RBPMS: variants seen among roughly 807,000 people sequenced by gnomAD.
The protein encoded by RBPMS is RNA-binding protein with multiple splicing.
A neutral mutation model predicts 26.8 loss-of-function variants in RBPMS; 7 were observed. That is an observed-to-expected ratio of 0.26 (90% CI 0.15 to 0.49). The LOEUF is 0.49. RBPMS is among the 20% of genes least tolerant of loss of function. RBPMS has a pLI of 0.98. For missense variants in RBPMS, 186 were observed against 250.0 expected, an observed-to-expected ratio of 0.74 and a Z score of 1.73; for synonymous variants, 96 against 93.3, an observed-to-expected ratio of 1.03 and a Z score of -0.17.
intron 6 of RBPMS, among the ~76,000 whole-genome samples, chr8:30,549,797 C>CCCCTCTCT (rs1826183065): frequency 3.4e-5 from 1 of 29,546 alleles, no homozygotes; most frequent in Non-Finnish European, 6.5e-5. Context: ...TCTCTCTCTC[C>CCCCTCTCT]CCTCTCTCCT....
chr8:30,427,503 C>T (rs1329688930), intron 1 of RBPMS, among the ~76,000 whole-genome samples: 2 of 152,232 alleles, frequency 1.3e-5, no homozygotes, highest in African/African-American at 4.8e-5. Flanking sequence ...TACAGGAATG[C>T]CTGCTCGTCT....
intron 1 of RBPMS, among the ~76,000 whole-genome samples, chr8:30,415,467 G>C (rs1019855196): frequency 5.3e-5 from 8 of 152,160 alleles, no homozygotes; most frequent in African/African-American, 9.7e-5. Flanking sequence ...CTTGCCAGAT[G>C]GTCTCATCTG....
chr8:30,496,274 T>C (rs993084695), intron 4 of RBPMS, among the ~76,000 whole-genome samples: 5 of 151,952 alleles, frequency 3.3e-5, no homozygotes, highest in Non-Finnish European at 7.4e-5. Flanking sequence ...TTTCACGCCA[T>C]TCTCCTGCCT....
Position 30,510,115 on chromosome 8 carries a change from C to G in RBPMS, c.397+5679C>G, listed in dbSNP as rs564011471. 4.5e-4 allele frequency among the ~76,000 whole-genome samples: 69 copies of G among 152,282 alleles called. No homozygotes were observed. The South Asian group carries it at 0.014, about 30-fold the overall frequency. On this transcript the variant is annotated intron_variant, in intron 5 of 8. Coordinates refer to ENST00000397323, the MANE Select transcript of RBPMS (RefSeq NM_001008710.3). The stretch of plus-strand genomic sequence containing the variant: ...TAATACCTGGGCTCTCACAAAACAT[C>G]ACCTCAGTCTCTGCTGCTGTTGCTG...
intron 1 of RBPMS, chr8:30,447,092 T>A (rs1029553220): frequency 6.6e-6 from 1 of 152,154 alleles, no homozygotes; most frequent in Non-Finnish European, 1.5e-5. Flanking sequence ...ACCTGGAAGT[T>A]GCAGGCATCA....
intron 1 of RBPMS, among the ~76,000 whole-genome samples, chr8:30,441,712 CA>C (rs1293606878): frequency 1.3e-5 from 2 of 151,976 alleles, no homozygotes; most frequent in Non-Finnish European, 2.9e-5. Context: ...ATAAACCCTC[CA>C]AAAAATTAAA....
At chr8:30,549,772 T>TTCTCTCTCTCTCTCTCTCTCTCTCTCTC (rs1181705539) in intron 6 of RBPMS, among the ~76,000 whole-genome samples, 5 of 71,224 alleles carry the variant, frequency 7.0e-5, no homozygotes, top group African/African-American at 3.0e-4. Flanking sequence ...TTTTCTTTTC[T>TTCTCTCTCTCTCTCTCTCTCTCTCTCTC]TCTCTCTCTC....
At chr8:30,556,015 G>T (rs1398812113) in intron 6 of RBPMS, 4 of 985,448 alleles carry the variant, frequency 4.1e-6, no homozygotes, top group Non-Finnish European at 3.6e-6. Context: ...GGCCAGGGGG[G>T]CACTGCCCTC....
intron 1 of RBPMS, among the ~76,000 whole-genome samples, chr8:30,411,251 G>A (rs971702364): frequency 6.6e-6 from 1 of 152,134 alleles, no homozygotes; most frequent in Non-Finnish European, 1.5e-5. Flanking sequence ...CCTGTGTTTT[G>A]CTCCTCCTGG....
intron 5 of RBPMS, among the ~76,000 whole-genome samples, chr8:30,512,165 G>C (rs1427272521): frequency 1.3e-5 from 2 of 152,100 alleles, no homozygotes; most frequent in Non-Finnish European, 2.9e-5. Context: ...TCAGCCTCCA[G>C]AGTAGCTGGG....
At chr8:30,507,351 G>C (rs889123818) in intron 5 of RBPMS, among the ~76,000 whole-genome samples, 2 of 152,160 alleles carry the variant, frequency 1.3e-5, no homozygotes, top group Non-Finnish European at 2.9e-5. Context: ...TCCCAGGATT[G>C]GGCTGAGGAT....
intron 4 of RBPMS, among the ~76,000 whole-genome samples, chr8:30,499,823 A>G (rs1318391700): frequency 6.6e-6 from 1 of 152,118 alleles, no homozygotes; most frequent in Admixed American, 6.5e-5. Flanking sequence ...AGTAAAGGGT[A>G]AAAGAATAGC....
At position 30,536,431 on chromosome 8, in the gene RBPMS, C is replaced by T. The variant is rs73572136; in HGVS notation, c.398-8063C>T. Reference sequence around the variant, plus strand: ...CGTGAGCCACCGCGCCTGGCGAGATCATCTCTTTTTATGGACTAGATAGAG... The same window carrying T: ...CGTGAGCCACCGCGCCTGGCGAGATTATCTCTTTTTATGGACTAGATAGAG... On this transcript the variant is annotated intron_variant, in intron 5 of 8. Coordinates refer to ENST00000397323, the MANE Select transcript of RBPMS (RefSeq NM_001008710.3). Among the ~76,000 whole-genome samples, 598 of 152,210 alleles carry T rather than the reference C, an allele frequency of 3.9e-3. 3 individuals carry two copies. The highest frequency in any genetic ancestry group is 0.013 in the African/African-American group (551 of 41,528).
chr8:30,467,444 C>T (rs1483944495), intron 1 of RBPMS, among the ~76,000 whole-genome samples: 1 of 152,178 alleles, frequency 6.6e-6, no homozygotes, highest in African/African-American at 2.4e-5. Flanking sequence ...ATGTGGAGGC[C>T]TTAACTTCTC....
At chr8:30,509,515 C>T (rs1275793715) in intron 5 of RBPMS, among the ~76,000 whole-genome samples, 1 of 152,206 alleles carries the variant, frequency 6.6e-6, no homozygotes, top group East Asian at 1.9e-4. Context: ...AGAGACAACA[C>T]TGAGCAAATA....
intron 1 of RBPMS, among the ~76,000 whole-genome samples, chr8:30,447,458 A>G (rs1350895247): frequency 6.6e-6 from 1 of 152,204 alleles, no homozygotes; most frequent in Non-Finnish European, 1.5e-5. Context: ...TTGGATACTC[A>G]TCATTATAAA....
At chr8:30,501,682 T>C (rs1423317337) in intron 4 of RBPMS, among the ~76,000 whole-genome samples, 2 of 152,172 alleles carry the variant, frequency 1.3e-5, no homozygotes, top group Non-Finnish European at 2.9e-5. Flanking sequence ...AGAGAAAGGT[T>C]CTCTGTTCAT....
chr8:30,561,023 G>A (rs903443398), intron 7 of RBPMS, among the ~76,000 whole-genome samples: 8 of 152,092 alleles, frequency 5.3e-5, no homozygotes, highest in Non-Finnish European at 1.0e-4. Context: ...GTGTGTGCGC[G>A]CCTAAGTATC....
chr8:30,480,848 A>C (rs576324572), intron 4 of RBPMS, among the ~76,000 whole-genome samples: 16 of 152,336 alleles, frequency 1.1e-4, no homozygotes, highest in African/African-American at 3.8e-4. Flanking sequence ...CCAGGTGGGA[A>C]CCTTCTAAAT....
Sources: gnomAD v4.1 joint callset for allele counts (sites outside exome capture counted in the v4.1 genomes callset) on GRCh38, gnomAD v4.1.1 for gene constraint, MANE v1.5 for transcripts, NCBI Gene and HGNC (gene_info 2026-07-23, HGNC 2026-07-21) for gene names.